The following HMG20A variants were observed in gnomAD, a reference collection of about 807,000 sequenced individuals.
HMG20A encodes the protein high mobility group 20A.
Under a neutral mutation model 43.9 loss-of-function variants are expected in HMG20A, and 17 were observed. The observed-to-expected ratio is 0.39, with a 90% CI of 0.27 to 0.58. The LOEUF is 0.58. Ranked by LOEUF, HMG20A falls within the 20% of genes least tolerant of loss-of-function variation. The pLI, the probability that HMG20A is intolerant of heterozygous loss-of-function variation, is 0.59. For synonymous variants in HMG20A, 132 were observed against 147.5 expected (o/e 0.89, Z 0.76); for missense variants, 341 against 438.2 (o/e 0.78, Z 1.98).
the HMG20A span, among the ~76,000 whole-genome samples, chr15:77,496,644 G>A: frequency 6.6e-6 from 1 of 152,196 alleles, no homozygotes; most frequent in Non-Finnish European, 1.5e-5. Flanking sequence ...AGATCTGGGA[G>A]GTCCTGTCCT....
the HMG20A span, among the ~76,000 whole-genome samples, chr15:77,502,299 G>GA: frequency 6.6e-6 from 1 of 152,168 alleles, no homozygotes; most frequent in African/African-American, 2.4e-5. Flanking sequence ...GCCTTATACT[G>GA]AAAAAATTTG....
Position 77,420,946 on chromosome 15 carries a change from C to T in HMG20A, c.-63C>T. The stretch of plus-strand genomic sequence containing the variant: ...GATTGAGAGGGGCTGAGGGAATTGT[C>T]CTCTGTGGAAGGGACTTTCTTTTGG... On this transcript the variant is annotated 5_prime_UTR_variant, in exon 1 of 10. Coordinates refer to ENST00000336216, the MANE Select transcript of HMG20A (RefSeq NM_001304504.2). 1 of 398,688 alleles carries T rather than the reference C, an allele frequency of 2.5e-6. No individual in the cohort carries two copies. 24.7% of individuals were successfully genotyped at this position (398,688 alleles called of 1,614,324 possible). A position where few individuals can be genotyped will look rare whatever the true frequency, so the allele number is the denominator to read the frequency against.
the HMG20A span, among the ~76,000 whole-genome samples, chr15:77,512,374 T>C: frequency 6.6e-6 from 1 of 152,092 alleles, no homozygotes; most frequent in Admixed American, 6.6e-5. Context: ...CATTGAATGG[T>C]ACACTAAAGC....
At chr15:77,447,808 G>A (rs2073691453) in intron 1 of HMG20A, 1 of 152,190 alleles carries the variant, frequency 6.6e-6, no homozygotes, top group East Asian at 1.9e-4. Flanking sequence ...GTTACATAAT[G>A]AAGGTGATCA....
chr15:77,511,755 A>G, the HMG20A span, among the ~76,000 whole-genome samples: 2 of 152,236 alleles, frequency 1.3e-5, no homozygotes, highest in African/African-American at 4.8e-5. Flanking sequence ...AAAGAAAGAA[A>G]ATAAGCATGG....
At chr15:77,503,405 G>C in the HMG20A span, among the ~76,000 whole-genome samples, 1 of 152,134 alleles carries the variant, frequency 6.6e-6, no homozygotes, top group Non-Finnish European at 1.5e-5. Flanking sequence ...ATCCTTTCCA[G>C]CTCCAAAACC....
chr15:77,457,991 T>C (rs1257035771), intron 1 of HMG20A, among the ~76,000 whole-genome samples: 2 of 152,234 alleles, frequency 1.3e-5, no homozygotes, highest in African/African-American at 4.8e-5. Context: ...AATAACCCTT[T>C]GGGTTAAGTC....
At chr15:77,518,223 C>G in the HMG20A span, among the ~76,000 whole-genome samples, 1 of 152,016 alleles carries the variant, frequency 6.6e-6, no homozygotes, top group Admixed American at 6.6e-5. Context: ...TAGTGGAAGG[C>G]GGTGGGGGAG....
rs912019083 is a variant in HMG20A at position 77,483,049 on chromosome 15, G to C, written c.*86G>C. The C allele has an allele frequency of 6.6e-6, 1 of 152,192 alleles. No homozygotes were observed. The highest frequency in any genetic ancestry group is 2.4e-5 in the African/African-American group (1 of 41,434). 9.4% of individuals were successfully genotyped at this position (152,192 alleles called of 1,614,324 possible). On this transcript the variant is annotated 3_prime_UTR_variant, in exon 10 of 10. Transcript: ENST00000336216. ...CCATCCATGGAAATTTGAACTGAGT[G>C]GGGGCAGAGAAAGAGTGCAGATCCC...
intron 1 of HMG20A, among the ~76,000 whole-genome samples, chr15:77,441,812 A>G (rs2073616056): frequency 6.6e-6 from 1 of 152,164 alleles, no homozygotes; most frequent in African/African-American, 2.4e-5. Flanking sequence ...TAAATATTCT[A>G]ATGTTACTAA....
intron 1 of HMG20A, among the ~76,000 whole-genome samples, chr15:77,432,229 C>T (rs527975418): frequency 1.4e-4 from 21 of 152,000 alleles, no homozygotes; most frequent in Non-Finnish European, 2.5e-4. Flanking sequence ...TTTACAACAG[C>T]GTGATTATGA....
chr15:77,465,637 C>T (rs375430492), intron 3 of HMG20A, among the ~76,000 whole-genome samples: 22 of 152,092 alleles, frequency 1.4e-4, no homozygotes, highest in South Asian at 1.0e-3. Flanking sequence ...TCAAGTGATC[C>T]GCCTGCCTTG....
the HMG20A span, among the ~76,000 whole-genome samples, chr15:77,510,247 C>T: frequency 1.3e-5 from 2 of 152,184 alleles, no homozygotes; most frequent in Non-Finnish European, 2.9e-5. Flanking sequence ...CCCACACCCC[C>T]AACCCTCGGG....
chr15:77,478,624 A>G (rs1449005795), intron 8 of HMG20A, 114 bp downstream of exon 8: 7 of 782,098 alleles, frequency 9.0e-6, no homozygotes, highest in African/African-American at 5.2e-5. Context: ...CCAGAGGAAA[A>G]TTAATTAAAC....
intron 1 of HMG20A, among the ~76,000 whole-genome samples, chr15:77,446,392 T>C (rs532121738): frequency 6.6e-6 from 1 of 152,056 alleles, no homozygotes; most frequent in African/African-American, 2.4e-5. Context: ...TAGTGACATA[T>C]GATAAACTGA....
chr15:77,478,116 TG>T, intron 7 of HMG20A, 178 bp from the exon 8 acceptor site: 1 of 613,996 alleles, frequency 1.6e-6, no homozygotes, highest in Non-Finnish European at 2.9e-6. Context: ...AAAATAGCTC[TG>T]GGGAGTCAGG....
At chr15:77,481,113 C>G (rs1363550732) in intron 9 of HMG20A, among the ~76,000 whole-genome samples, 1 of 151,992 alleles carries the variant, frequency 6.6e-6, no homozygotes, top group Non-Finnish European at 1.5e-5. Flanking sequence ...AGATAAATGC[C>G]TAGTAAAGAC....
At chr15:77,515,903 G>T in the HMG20A span, among the ~76,000 whole-genome samples, 1 of 151,888 alleles carries the variant, frequency 6.6e-6, no homozygotes, top group Non-Finnish European at 1.5e-5. Context: ...GGCCAGATCC[G>T]ATTCAAAGGT....
At chr15:77,456,634 C>CAAAA (rs34114445) in intron 1 of HMG20A, among the ~76,000 whole-genome samples, 2 of 95,362 alleles carry the variant, frequency 2.1e-5, no homozygotes, top group African/African-American at 4.1e-5. Flanking sequence ...GCGAGACTGT[C>CAAAA]AAAAAAAAAA....
Sources: gnomAD v4.1 joint callset for allele counts (sites outside exome capture counted in the v4.1 genomes callset) on GRCh38, gnomAD v4.1.1 for gene constraint, MANE v1.5 for transcripts, NCBI Gene and HGNC (gene_info 2026-07-23, HGNC 2026-07-21) for gene names.